DERA: variants seen among roughly 807,000 people sequenced by gnomAD.
The protein encoded by DERA is 2-deoxy-D-ribose 5-phosphate aldolase.
Under a neutral mutation model 41.1 loss-of-function variants are expected in DERA, and 15 were observed. The ratio of observed to expected loss-of-function variants is 0.37; its 90% CI spans 0.24 to 0.56. The LOEUF is 0.56. Among genes scored for constraint, DERA ranks in the 20% least tolerant of loss-of-function variants. The pLI is 0.81. For missense variants in DERA, 396 were observed against 403.4 expected (o/e 0.98, Z 0.16); for synonymous variants, 139 against 137.4 (o/e 1.01, Z -0.08).
rs1436418911 is a variant in DERA at position 15,918,935 on chromosome 12, C to T, written c.31+7521C>T. ...TCAATTTTCAGGTATCTAGTGTAAT[C>T]TTCTCATTATACTATAATGGCTAAG... On this transcript the variant is annotated intron_variant, in intron 1 of 8. Transcript: ENST00000428559. This position sits in a 1 kb window ranked among gnomAD's most constrained non-coding sequence, Gnocchi z 4.3. Among the ~76,000 whole-genome samples the T allele has an allele frequency of 6.6e-6, 1 of 152,002 alleles. No individual in the cohort carries two copies. Among genetic ancestry groups the T allele is most frequent in the African/African-American group, 2.4e-5 (1 of 41,352 alleles).
In DERA at chr12:15,998,691, G is replaced by T. The variant is rs1393304218; in HGVS notation, c.637+16255G>T. Among the ~76,000 whole-genome samples, 1 of 152,152 alleles carries T rather than the reference G, an allele frequency of 6.6e-6. No individual in the cohort carries two copies. Among genetic ancestry groups the T allele is most frequent in the Non-Finnish European group, 1.5e-5 (1 of 68,034 alleles). On this transcript the variant is annotated intron_variant, in intron 6 of 8. Coordinates refer to ENST00000428559, the MANE Select transcript of DERA (RefSeq NM_015954.4). The surrounding 1 kb of genome is among the most constrained non-coding windows in gnomAD (Gnocchi z 4.8). ...AGAGCTTCAGATTCTGAGGTAGGAA[G>T]CACCTTTAGCATAGGCAGTCCACAG...
At chr12:16,030,357 C>CA (rs556743157) in intron 6 of DERA, among the ~76,000 whole-genome samples, 25 of 152,156 alleles carry the variant, frequency 1.6e-4, no homozygotes, top group Non-Finnish European at 2.8e-4. Flanking sequence ...AAAAACACAT[C>CA]TTGATATCAT....
chr12:16,024,847 T>C (rs993205785), intron 6 of DERA, among the ~76,000 whole-genome samples: 4 of 152,056 alleles, frequency 2.6e-5, no homozygotes, highest in African/African-American at 7.2e-5. Flanking sequence ...AAGATAACAA[T>C]TTAAAGTAAT....
chr12:16,008,613 G>A lies in DERA; in HGVS notation c.638-23929G>A, dbSNP rs1256622624. The stretch of plus-strand genomic sequence containing the variant: ...TGTGCTAGGATTGAGTGTGGCCACA[G>A]ATAGCACGGAACATGATAACGGTGG... On this transcript the variant is annotated intron_variant, in intron 6 of 8. Transcript: ENST00000428559. This position sits in a 1 kb window ranked among gnomAD's most constrained non-coding sequence, Gnocchi z 4.8. Among the ~76,000 whole-genome samples the A allele has an allele frequency of 6.6e-6, 1 of 152,252 alleles. No individual in the cohort carries two copies. Among genetic ancestry groups the A allele is most frequent in the East Asian group, 1.9e-4 (1 of 5,204 alleles).
intron 1 of DERA, among the ~76,000 whole-genome samples, chr12:15,926,715 C>A (rs1025368440): frequency 3.0e-5 from 4 of 134,918 alleles, no homozygotes; most frequent in Admixed American, 8.6e-5. Context: ...CCGCCTGGGG[C>A]GACAGAGCGA....
In DERA at chr12:15,915,860, G is replaced by T. The variant is rs1656004870; in HGVS notation, c.31+4446G>T. 6.6e-6 allele frequency among the ~76,000 whole-genome samples: 1 copy of T among 152,218 alleles called. No homozygotes were observed. The highest frequency in any genetic ancestry group is 2.1e-4 in the South Asian group (1 of 4,834). On this transcript the variant is annotated intron_variant, in intron 1 of 8. Transcript: ENST00000428559. This position sits in a 1 kb window ranked among gnomAD's most constrained non-coding sequence, Gnocchi z 4.8. ...AGGTACAGGGAGTTTTAAGTAACCTGCCGAAAACCAGTTAGGTATAGCTAA... is the reference window on the plus strand; with the variant it reads ...AGGTACAGGGAGTTTTAAGTAACCTTCCGAAAACCAGTTAGGTATAGCTAA...
Position 15,972,490 on chromosome 12 carries a change from C to A in DERA, c.508+9543C>A. ...TAATGTGCTCCTGGATGCAGTTGTC[C>A]ACCACCTCCTTGCCCAGGAAGTTTT... On this transcript the variant is annotated intron_variant, in intron 5 of 8. Transcript: ENST00000428559. The surrounding 1 kb of genome is among the most constrained non-coding windows in gnomAD (Gnocchi z 4.4). 6.5e-6 allele frequency: 1 copy of A among 153,188 alleles called. No individual in the cohort carries two copies. The highest frequency in any genetic ancestry group is 1.9e-4 in the South Asian group (1 of 5,214). 9.5% of individuals were successfully genotyped at this position (153,188 alleles called of 1,614,324 possible). A position where few individuals can be genotyped will look rare whatever the true frequency, so the allele number is the denominator to read the frequency against.
rs1327549584 is a variant in DERA, at chr12:16,004,370, CT to C, written c.637+21935del. Reference sequence around the variant, plus strand: ...TGCAGAAAAGAAAAGAAAAACCCAACTCCTCCTTAACAATTTGTTCTCCCAC... The same window carrying C: ...TGCAGAAAAGAAAAGAAAAACCCAACCCTCCTTAACAATTTGTTCTCCCAC... On this transcript the variant is annotated intron_variant, in intron 6 of 8. Transcript: ENST00000428559. This position sits in a 1 kb window ranked among gnomAD's most constrained non-coding sequence, Gnocchi z 4.2. Among the ~76,000 whole-genome samples, 40 of 148,762 alleles carry C rather than the reference CT, an allele frequency of 2.7e-4. No homozygotes were observed. The highest frequency in any genetic ancestry group is 8.9e-4 in the African/African-American group (34 of 38,258).
intron 6 of DERA, among the ~76,000 whole-genome samples, chr12:16,018,791 T>C (rs1236031671): frequency 1.3e-5 from 2 of 152,078 alleles, no homozygotes; most frequent in African/African-American, 2.4e-5. Context: ...AAAAATACAA[T>C]TTAATATAAT....
At chr12:15,951,694 T>C (rs1208847335) in intron 1 of DERA, among the ~76,000 whole-genome samples, 1 of 152,202 alleles carries the variant, frequency 6.6e-6, no homozygotes, top group Non-Finnish European at 1.5e-5. Context: ...GAATATAATC[T>C]TACCTCTGAA....
At chr12:16,015,552 C>T (rs916994260) in intron 6 of DERA, among the ~76,000 whole-genome samples, 1 of 152,192 alleles carries the variant, frequency 6.6e-6, no homozygotes, top group Non-Finnish European at 1.5e-5. Flanking sequence ...CAATTAACAC[C>T]CTTTCCTTTA....
chr12:16,037,380 G>A lies in DERA; in HGVS notation c.*634G>A, dbSNP rs1017905341. 1 of 152,132 alleles carries A rather than the reference G, an allele frequency of 6.6e-6. No homozygotes were observed. Among genetic ancestry groups the A allele is most frequent in the Non-Finnish European group, 1.5e-5 (1 of 68,080 alleles). The allele number at this position is 152,132 out of a possible 1,614,324, so 9.4% of individuals were successfully genotyped here. A position where few individuals can be genotyped will look rare whatever the true frequency, so the allele number is the denominator to read the frequency against. On this transcript the variant is annotated 3_prime_UTR_variant, in exon 9 of 9. Transcript: ENST00000428559. The surrounding 1 kb of genome is among the most constrained non-coding windows in gnomAD (Gnocchi z 6.7). ...AAACATAAAAAGAGGTTTGATCAGT[G>A]AGTCTCTGAATCTCTCTAGTTGATT... is the stretch of plus-strand genomic sequence containing the variant.
intron 1 of DERA, among the ~76,000 whole-genome samples, chr12:15,920,661 C>T (rs1948236517): frequency 6.6e-6 from 1 of 151,796 alleles, no homozygotes; most frequent in African/African-American, 2.4e-5. Flanking sequence ...GGTGAAAGCG[C>T]GTCTCTACTA....
Position 15,951,928 on chromosome 12 carries a change from G to A in DERA, c.32-5008G>A, listed in dbSNP as rs554245846. The stretch of plus-strand genomic sequence containing the variant: ...TTTTTTTTCTTTTTTTTGAGACGGA[G>A]TCTTGCTCTGTTGCCCAGGCTAGAG... On this transcript the variant is annotated intron_variant, in intron 1 of 8. Coordinates refer to ENST00000428559, the MANE Select transcript of DERA (RefSeq NM_015954.4). 4.0e-5 allele frequency among the ~76,000 whole-genome samples: 6 copies of A among 150,914 alleles called. No individual in the cohort carries two copies. In the East Asian group the frequency reaches 9.7e-4, roughly 24 times the overall value.
In DERA at chr12:16,034,193, C is replaced by A. The variant is rs1448956208; in HGVS notation, c.750+1539C>A. 2.0e-5 allele frequency among the ~76,000 whole-genome samples: 3 copies of A among 152,292 alleles called. No individual in the cohort carries two copies. The East Asian group carries it at 5.8e-4, about 29-fold the overall frequency. ...GTTCCATTGCCAGGGTTCAGACCTGCCATTGGGGACCCAGTCCTGTTTTGT... is the reference window on the plus strand; with the variant it reads ...GTTCCATTGCCAGGGTTCAGACCTGACATTGGGGACCCAGTCCTGTTTTGT... On this transcript the variant is annotated intron_variant, in intron 7 of 8. Transcript: ENST00000428559.
chr12:15,956,205 A>G (rs1236893256), intron 1 of DERA, among the ~76,000 whole-genome samples: 1 of 152,234 alleles, frequency 6.6e-6, no homozygotes, highest in East Asian at 1.9e-4. Flanking sequence ...GGGAGCTGAC[A>G]GTGTTTTCAC....
In DERA at chr12:15,989,174, G is replaced by C. The variant is rs528213930; in HGVS notation, c.637+6738G>C. Among the ~76,000 whole-genome samples the C allele has an allele frequency of 5.9e-5, 9 of 152,334 alleles. No homozygotes were observed. Among genetic ancestry groups the C allele is most frequent in the African/African-American group, 2.2e-4 (9 of 41,578 alleles). On this transcript the variant is annotated intron_variant, in intron 6 of 8. Transcript: ENST00000428559. This position sits in a 1 kb window ranked among gnomAD's most constrained non-coding sequence, Gnocchi z 5.2. The stretch of plus-strand genomic sequence containing the variant: ...ACAGGGCTCCTGCCCTACCAACATG[G>C]TAGAGGGTGGAGCTCCCACCTGTTC...
At chr12:15,968,342 G>T (rs1948637768) in intron 5 of DERA, among the ~76,000 whole-genome samples, 3 of 152,168 alleles carry the variant, frequency 2.0e-5, no homozygotes, top group Non-Finnish European at 4.4e-5. Flanking sequence ...TGAATAAAGT[G>T]TTATTCTGGT....
At chr12:15,977,164 C>G (rs921697960) in intron 5 of DERA, among the ~76,000 whole-genome samples, 2 of 152,140 alleles carry the variant, frequency 1.3e-5, no homozygotes, top group Non-Finnish European at 2.9e-5. Context: ...GATTCTAATG[C>G]CCATCTGTCA....
Sources: allele counts gnomAD v4.1 joint callset (sites outside exome capture counted in the v4.1 genomes callset), GRCh38; gene constraint gnomAD v4.1.1; non-coding constraint Gnocchi (gnomAD v3.1); transcripts MANE v1.5; gene names NCBI Gene and HGNC (gene_info 2026-07-23, HGNC 2026-07-21).